The following MYH11 variants were observed in gnomAD, a reference collection of about 807,000 sequenced individuals.
The protein encoded by MYH11 is myosin-11.
MYH11 carries 80 observed loss-of-function variants against 246.6 expected under a neutral mutation model. That is an observed-to-expected ratio of 0.32 (90% CI 0.27 to 0.39). MYH11 has a LOEUF of 0.39. MYH11 is among the 10% of genes least tolerant of loss of function. The pLI, the probability that MYH11 is intolerant of heterozygous loss-of-function variation, is 1.00. For missense variants in MYH11, 2,158 were observed against 2,546.8 expected, an observed-to-expected ratio of 0.85 and a Z score of 3.29; for synonymous variants, 1,071 against 1,015.5, an observed-to-expected ratio of 1.05 and a Z score of -1.04.
Position 15,745,588 on chromosome 16 carries a change from T to C in MYH11, c.2412-351A>G, listed in dbSNP as rs1366067163. Among the ~76,000 whole-genome samples the C allele has an allele frequency of 6.8e-5, 10 of 145,996 alleles. No homozygotes were observed. The South Asian group carries it at 1.6e-3, about 23-fold the overall frequency. Reference sequence around the variant, plus strand: ...GTTTCTTTTTTCTTTCTTTCTTTTTTTTTTTTTTTTTTTTTTGAGATAGAG... The same window carrying C: ...GTTTCTTTTTTCTTTCTTTCTTTTTCTTTTTTTTTTTTTTTTGAGATAGAG... On this transcript the variant is annotated intron_variant, in intron 19 of 40. Coordinates refer to ENST00000300036, the MANE Select transcript of MYH11 (RefSeq NM_002474.3).
chr16:15,720,933 T>A lies in MYH11; in HGVS notation c.4697A>T (p.Glu1566Val). 6.2e-7 allele frequency: 1 copy of A among 1,614,002 alleles called. No homozygotes were observed. Among genetic ancestry groups the A allele is most frequent in the African/African-American group, 1.3e-5 (1 of 74,984 alleles). ...QATEDAKLRL[E>V]VNMQALKGQF... ...GCCCTTGAGCGCCTGCATGTTGACT[T>A]CCAGCCGCAGTTTGGCGTCCTCCGT... Residue 1566 changes from glutamate (E) to valine (V), a missense_variant, in exon 33 of 41, where the codon GAA becomes GTA. Glu to Val is a moderately radical substitution (Grantham distance 121, BLOSUM62 -2). Transcript: ENST00000300036.
At chr16:15,737,668 G>A (rs750401248) in intron 24 of MYH11, 48 bp from the exon 25 acceptor site, 2 of 1,600,308 alleles carry the variant, frequency 1.2e-6, no homozygotes, top group South Asian at 1.1e-5. Context: ...CCAGAGAGAT[G>A]CCCGGAAATG....
At chr16:15,854,543 A>C (rs2044412219) in intron 1 of MYH11, among the ~76,000 whole-genome samples, 1 of 152,230 alleles carries the variant, frequency 6.6e-6, no homozygotes, top group Non-Finnish European at 1.5e-5. Flanking sequence ...TGAAGACGTA[A>C]GATAATGTCC....
chr16:15,843,360 G>T (rs1300299342), intron 1 of MYH11, among the ~76,000 whole-genome samples: 2 of 150,302 alleles, frequency 1.3e-5, no homozygotes, highest in Non-Finnish European at 1.5e-5. Flanking sequence ...AACAGAGCAA[G>T]ACTTTGCCAA....
At chr16:15,771,499 A>C in intron 9 of MYH11, 70 bp downstream of exon 9, 1 of 1,545,230 alleles carries the variant, frequency 6.5e-7, no homozygotes, top group Non-Finnish European at 8.9e-7. Flanking sequence ...TCCTGACCAG[A>C]GAAGAGTTCT....
At chr16:15,785,714 C>T (rs1214420802) in intron 5 of MYH11, 1 of 152,412 alleles carries the variant, frequency 6.6e-6, no homozygotes, top group African/African-American at 2.4e-5. Flanking sequence ...TCCTAGCGGC[C>T]CTACCACGTG....
chr16:15,738,762 T>C (rs1157985623), intron 23 of MYH11, 74 bp from the exon 24 acceptor site: 3 of 1,540,992 alleles, frequency 1.9e-6, no homozygotes, highest in Non-Finnish European at 2.7e-6. Flanking sequence ...CTTTTAGTGA[T>C]TTCCATGTAA....
chr16:15,765,848 A>G (rs1410361940), intron 9 of MYH11, among the ~76,000 whole-genome samples: 1 of 152,208 alleles, frequency 6.6e-6, no homozygotes, highest in African/African-American at 2.4e-5. Flanking sequence ...GTCTTTGTAA[A>G]CTATGAAGAG....
At chr16:15,826,211 C>CA (rs2043560845) in intron 2 of MYH11, among the ~76,000 whole-genome samples, 1 of 152,138 alleles carries the variant, frequency 6.6e-6, no homozygotes, top group Non-Finnish European at 1.5e-5. Context: ...GCAAAAGGTG[C>CA]TGGGACTACA....
At chr16:15,732,925 T>A in intron 26 of MYH11, 1 of 605,678 alleles carries the variant, frequency 1.7e-6, no homozygotes, top group Non-Finnish European at 2.9e-6. Context: ...AGGACATCTG[T>A]AATGACTGGC....
chr16:15,785,008 A>AT (rs398028825), intron 5 of MYH11: 2,177 of 97,874 alleles, frequency 0.022, 73 homozygotes, highest in South Asian at 0.035. Flanking sequence ...AATTCTCTTG[A>AT]TTTTTTTTTT....
chr16:15,826,140 T>A (rs1003616411), intron 2 of MYH11, among the ~76,000 whole-genome samples: 1 of 150,226 alleles, frequency 6.7e-6, no homozygotes, highest in Non-Finnish European at 1.5e-5. Context: ...TACTGATCGT[T>A]CGTTCATTCA....
chr16:15,715,332 G>C, intron 38 of MYH11, 60 bp from the exon 39 acceptor site: 1 of 1,548,038 alleles, frequency 6.5e-7, no homozygotes, highest in Non-Finnish European at 8.9e-7. Context: ...TGTAGCTGGT[G>C]TGTCACCTGG....
chr16:15,842,600 A>G (rs2044083081), intron 1 of MYH11, among the ~76,000 whole-genome samples: 2 of 150,934 alleles, frequency 1.3e-5, no homozygotes, highest in Non-Finnish European at 3.0e-5. Flanking sequence ...GATCTCTACT[A>G]AAAACACAAA....
Position 15,837,932 on chromosome 16 carries a change from C to T in MYH11, c.321G>A (p.Glu107=), listed in dbSNP as rs1343365414. 2 of 1,613,908 alleles carry T rather than the reference C, an allele frequency of 1.2e-6. No homozygotes were observed. Among genetic ancestry groups the T allele is most frequent in the African/African-American group, 1.3e-5 (1 of 74,910 alleles). Reference sequence around the variant, plus strand: ...CATATATTAGCCCTGAGAAGTACCGCTCCCTCAGGTTGTGTAGCACGGAGG... The same window carrying T: ...CATATATTAGCCCTGAGAAGTACCGTTCCCTCAGGTTGTGTAGCACGGAGG... The part of the protein sequence containing the change: ...NEASVLHNLR[E]RYFSGLIYTY... The change falls in exon 2 of 41, where the codon GAG becomes GAA. Residue 107 remains glutamate, a synonymous_variant. Coordinates refer to ENST00000300036, the MANE Select transcript of MYH11 (RefSeq NM_002474.3).
At chr16:15,763,741 T>TGGGGCCCCCCC in intron 10 of MYH11, 55 bp downstream of exon 10, 2 of 646,842 alleles carry the variant, frequency 3.1e-6, no homozygotes, top group Non-Finnish European at 5.8e-6. Flanking sequence ...AAATGTCACC[T>TGGGGCCCCCCC]CCCCCACCCC....
intron 28 of MYH11, 41 bp downstream of exon 28, chr16:15,726,807 C>T: frequency 1.9e-6 from 3 of 1,602,136 alleles, no homozygotes; most frequent in Non-Finnish European, 2.6e-6. Flanking sequence ...AACTGGGCAC[C>T]ACCCAGCACT....
intron 7 of MYH11, 24 bp downstream of exon 7, chr16:15,778,756 G>C: frequency 6.2e-7 from 1 of 1,612,682 alleles, no homozygotes; most frequent in Non-Finnish European, 8.5e-7. Context: ...GTACCCATTT[G>C]GCCCAGGCTC....
chr16:15,837,591 A>T (rs933783010), intron 2 of MYH11, among the ~76,000 whole-genome samples: 7 of 144,428 alleles, frequency 4.8e-5, no homozygotes, highest in Non-Finnish European at 1.0e-4. Flanking sequence ...GCTGGAGTGC[A>T]GTGGTACAGT....
Sources: gnomAD v4.1 joint callset for allele counts (sites outside exome capture counted in the v4.1 genomes callset) on GRCh38, gnomAD v4.1.1 for gene constraint, MANE v1.5 for transcripts, NCBI Gene and HGNC (gene_info 2026-07-23, HGNC 2026-07-21) for gene names.